The following DLGAP1 variants were observed in gnomAD, a reference collection of about 807,000 sequenced individuals.
DLGAP1 encodes DLG associated protein 1, also known as disks large-associated protein 1.
In DLGAP1, 11 loss-of-function variants were observed where a neutral mutation model predicts 90.8. That is an observed-to-expected ratio of 0.12 (90% confidence interval 0.08 to 0.20). The LOEUF (loss-of-function observed/expected upper bound fraction) is 0.20, where lower values mean the gene tolerates loss of function less well. Ranked by LOEUF, DLGAP1 falls within the 10% of genes least tolerant of loss-of-function variation. The probability of loss-of-function intolerance (pLI) is 1.00; values close to 1 mark genes in which losing one functional copy is unlikely to be tolerated. For missense variants in DLGAP1, 1,050 were observed against 1,333.8 expected (o/e 0.79, Z 3.31); for synonymous variants, 558 against 540.7 (o/e 1.03, Z -0.44).
chr18:3,538,397 A>AG (rs1491445606), intron 9 of DLGAP1, among the ~76,000 whole-genome samples: 1 of 151,686 alleles, frequency 6.6e-6, no homozygotes, highest in African/African-American at 2.4e-5. Flanking sequence ...AGAAAGAAAA[A>AG]GAAAAAAAAA....
chr18:4,133,400 C>G (rs145936865), intron 2 of DLGAP1, among the ~76,000 whole-genome samples: 2 of 152,158 alleles, frequency 1.3e-5, no homozygotes, highest in Non-Finnish European at 2.9e-5. Flanking sequence ...TGATCATGTG[C>G]CTGTTTCTCC....
intron 4 of DLGAP1, chr18:3,874,107 A>G: frequency 5.2e-6 from 8 of 1,548,610 alleles, no homozygotes; most frequent in Non-Finnish European, 7.0e-6. Flanking sequence ...CCAAATCAAC[A>G]CCACACTATT....
At chr18:3,527,763 A>C (rs372126402) in intron 10 of DLGAP1, among the ~76,000 whole-genome samples, 1 of 151,856 alleles carries the variant, frequency 6.6e-6, no homozygotes, top group East Asian at 1.9e-4. Context: ...CCTAATTAAA[A>C]AAATATATAT....
rs2082056974 is a variant in DLGAP1, at chr18:4,378,471, G to T, written c.-267+76535C>A. Among the ~76,000 whole-genome samples the T allele has an allele frequency of 6.6e-6, 1 of 152,080 alleles. No homozygotes were observed. Among genetic ancestry groups the T allele is most frequent in the Admixed American group, 6.6e-5 (1 of 15,240 alleles). On this transcript the variant is annotated intron_variant, in intron 1 of 12. Transcript: ENST00000315677. The surrounding 1 kb of genome is among the most constrained non-coding windows in gnomAD (Gnocchi z 4.5). ...AGAATTAACACTCAAATTGAGGTAG[G>T]TTTGATTGTCTTATTGGTAAGTAGG...
chr18:4,192,525 C>T (rs1009565292), intron 1 of DLGAP1, among the ~76,000 whole-genome samples: 4 of 152,174 alleles, frequency 2.6e-5, no homozygotes, highest in South Asian at 2.1e-4. Context: ...TTCCCCTCTA[C>T]CCTGCTCCGA....
At chr18:4,354,362 C>T (rs951855751) in intron 1 of DLGAP1, among the ~76,000 whole-genome samples, 2 of 152,098 alleles carry the variant, frequency 1.3e-5, no homozygotes, top group Non-Finnish European at 2.9e-5. Flanking sequence ...CCAGAAGGTC[C>T]CTGCCCAAAC....
At chr18:3,500,709 TTAAAAACCG>T (rs1427055355) in intron 12 of DLGAP1, among the ~76,000 whole-genome samples, 1 of 152,168 alleles carries the variant, frequency 6.6e-6, no homozygotes, top group Non-Finnish European at 1.5e-5. Flanking sequence ...GCAAAGTCCA[TTAAAAACCG>T]TAAAAATCAA....
At chr18:4,372,786 GGCGTGGTAGT>G (rs2081943181) in intron 1 of DLGAP1, among the ~76,000 whole-genome samples, 2 of 151,950 alleles carry the variant, frequency 1.3e-5, no homozygotes, top group Non-Finnish European at 2.9e-5. Context: ...AAATTAGCCA[GGCGTGGTAGT>G]GCACACTTCT....
chr18:4,155,362 C>T (rs2076738430), intron 1 of DLGAP1, among the ~76,000 whole-genome samples: 1 of 152,144 alleles, frequency 6.6e-6, no homozygotes, highest in Non-Finnish European at 1.5e-5. Context: ...CTACGGTTCA[C>T]ACCATGCTTA....
intron 1 of DLGAP1, among the ~76,000 whole-genome samples, chr18:4,341,951 G>A (rs192063241): frequency 6.6e-6 from 1 of 151,930 alleles, no homozygotes; most frequent in Admixed American, 6.6e-5. Flanking sequence ...TCTTGGTGGC[G>A]TGACTTTGAG....
At chr18:4,309,141 T>G (rs545626053) in intron 1 of DLGAP1, among the ~76,000 whole-genome samples, 20 of 152,354 alleles carry the variant, frequency 1.3e-4, no homozygotes, top group African/African-American at 4.3e-4. Flanking sequence ...TGCTTTCAAC[T>G]AAGGGCTTGG....
At chr18:3,671,658 AAGT>A (rs1293076620) in intron 7 of DLGAP1, among the ~76,000 whole-genome samples, 1 of 152,204 alleles carries the variant, frequency 6.6e-6, no homozygotes, top group Non-Finnish European at 1.5e-5. Flanking sequence ...TGTATTCCTT[AAGT>A]ACTTTTGAAA....
At chr18:3,968,203 T>C (rs2073369840) in intron 3 of DLGAP1, among the ~76,000 whole-genome samples, 1 of 152,226 alleles carries the variant, frequency 6.6e-6, no homozygotes, top group Admixed American at 6.5e-5. Context: ...CTTTCTCCTG[T>C]ATCTTAAATC....
At chr18:3,989,549 A>G (rs892675905) in intron 3 of DLGAP1, among the ~76,000 whole-genome samples, 1 of 150,444 alleles carries the variant, frequency 6.6e-6, no homozygotes, top group Non-Finnish European at 1.5e-5. Flanking sequence ...TTCAGCATTA[A>G]CCATCCATCC....
chr18:4,044,604 G>A (rs1164427280), intron 2 of DLGAP1, among the ~76,000 whole-genome samples: 4 of 152,060 alleles, frequency 2.6e-5, no homozygotes, highest in South Asian at 4.1e-4. Flanking sequence ...AGCCAGGCAC[G>A]GTGGTGGGCG....
chr18:3,962,367 T>C (rs2073218294), intron 3 of DLGAP1: 1 of 152,222 alleles, frequency 6.6e-6, no homozygotes, highest in African/African-American at 2.4e-5. Context: ...ATTGATCCAA[T>C]GACTGCTGGT....
At chr18:3,651,622 G>A (rs1201511802) in intron 7 of DLGAP1, among the ~76,000 whole-genome samples, 3 of 151,768 alleles carry the variant, frequency 2.0e-5, no homozygotes, top group African/African-American at 4.8e-5. Context: ...GCGAACCCCC[G>A]TCTCCACTAA....
intron 3 of DLGAP1, among the ~76,000 whole-genome samples, chr18:3,902,009 T>G (rs2071794486): frequency 6.6e-6 from 1 of 152,198 alleles, no homozygotes; most frequent in Non-Finnish European, 1.5e-5. Context: ...TAAAGTGAAG[T>G]GCATGTCTGC....
intron 3 of DLGAP1, among the ~76,000 whole-genome samples, chr18:3,941,296 G>C (rs990359596): frequency 5.3e-5 from 8 of 152,196 alleles, no homozygotes; most frequent in African/African-American, 1.9e-4. Flanking sequence ...CACTGCAGTA[G>C]GGTTTGGGGC....
Sources: gnomAD v4.1 joint callset for allele counts (sites outside exome capture counted in the v4.1 genomes callset) on GRCh38, gnomAD v4.1.1 for gene constraint, Gnocchi (gnomAD v3.1) non-coding constraint, MANE v1.5 for transcripts, NCBI Gene and HGNC (gene_info 2026-07-23, HGNC 2026-07-21) for gene names.